The following NUP160 variants were observed in gnomAD, a reference collection of about 807,000 sequenced individuals.
NUP160 encodes nucleoporin 160.
In NUP160, 94 loss-of-function variants were observed where a neutral mutation model predicts 196.9. That is an observed-to-expected ratio of 0.48 (90% CI 0.40 to 0.57). The LOEUF (loss-of-function observed/expected upper bound fraction) is 0.57, where lower values mean the gene tolerates loss of function less well. Among genes scored for constraint, NUP160 ranks in the 20% least tolerant of loss-of-function variants. NUP160 has a pLI of 0.00. For synonymous variants in NUP160, 605 were observed against 619.7 expected (o/e 0.98, Z 0.35); for missense variants, 1,638 against 1,748.3 (o/e 0.94, Z 1.13).
chr11:47,793,362 G>A (rs1489882804), intron 27 of NUP160, among the ~76,000 whole-genome samples: 1 of 152,048 alleles, frequency 6.6e-6, no homozygotes, highest in East Asian at 1.9e-4. Context: ...AACAAAATTG[G>A]GTTTGATGTA....
chr11:47,779,697 A>C, intron 35 of NUP160: 1 of 434,308 alleles, frequency 2.3e-6, no homozygotes, highest in Non-Finnish European at 4.5e-6. Context: ...AACTTCCCTC[A>C]GGACAGTGAT....
At chr11:47,823,844 T>C (rs1851910501) in intron 7 of NUP160, among the ~76,000 whole-genome samples, 1 of 151,802 alleles carries the variant, frequency 6.6e-6, no homozygotes, top group South Asian at 2.1e-4. Flanking sequence ...CTTCCTTCCT[T>C]TTAAAAACTG....
intron 17 of NUP160, among the ~76,000 whole-genome samples, chr11:47,810,670 C>T (rs1337710891): frequency 6.6e-6 from 1 of 151,912 alleles, no homozygotes; most frequent in Non-Finnish European, 1.5e-5. Context: ...CCTTAGCCTC[C>T]TGAATGGCTG....
intron 21 of NUP160, among the ~76,000 whole-genome samples, chr11:47,804,042 G>A (rs1291225253): frequency 1.3e-5 from 2 of 151,880 alleles, no homozygotes; most frequent in African/African-American, 4.8e-5. Context: ...TTAGCTGGGC[G>A]CGGTGGCACG....
At chr11:47,804,490 A>T (rs2097676291) in intron 21 of NUP160, 59 bp downstream of exon 21, 1 of 1,169,578 alleles carries the variant, frequency 8.6e-7, no homozygotes, top group Admixed American at 2.7e-5. Flanking sequence ...AAAGAAAAAA[A>T]TTCAGCAATC....
At chr11:47,824,045 A>ATATATATATATATATATATATATATATG (rs1565203496) in intron 7 of NUP160, among the ~76,000 whole-genome samples, 1 of 98,358 alleles carries the variant, frequency 1.0e-5, no homozygotes, top group Non-Finnish European at 2.3e-5. Flanking sequence ...ATATATATAT[A>ATATATATATATATATATATATATATATG]TATATATACA....
At chr11:47,811,237 G>A (rs1599324818) in intron 17 of NUP160, among the ~76,000 whole-genome samples, 1 of 152,104 alleles carries the variant, frequency 6.6e-6, no homozygotes, top group Non-Finnish European at 1.5e-5. Context: ...GGTTGGGCAA[G>A]GTGGCTCATG....
At chr11:47,795,043 T>C (rs995180944) in intron 27 of NUP160, among the ~76,000 whole-genome samples, 3 of 152,112 alleles carry the variant, frequency 2.0e-5, no homozygotes, top group African/African-American at 7.2e-5. Context: ...GAGGTTGCTG[T>C]GAGCCGAGAT....
At chr11:47,841,699 G>GTTTT in intron 2 of NUP160, 1 of 279,310 alleles carries the variant, frequency 3.6e-6, no homozygotes, top group Non-Finnish European at 7.1e-6. Flanking sequence ...TTGTTTGTTT[G>GTTTT]TTTTTTTTTT....
chr11:47,827,897 G>T (rs1051295048), intron 7 of NUP160, among the ~76,000 whole-genome samples: 5 of 152,146 alleles, frequency 3.3e-5, no homozygotes, highest in African/African-American at 1.2e-4. Context: ...ATGAGACAGG[G>T]TTCCGCTCTG....
At chr11:47,780,106 C>A (rs572436659) in intron 35 of NUP160, among the ~76,000 whole-genome samples, 9 of 152,096 alleles carry the variant, frequency 5.9e-5, no homozygotes, top group Non-Finnish European at 1.2e-4. Flanking sequence ...AAGGATGGAC[C>A]GACTGCTTGC....
At chr11:47,840,059 C>A in exon 4 of NUP160, 17 of 1,608,002 alleles carry the variant, frequency 1.1e-5, no homozygotes, top group Non-Finnish European at 1.4e-5. Context: ...CTGTCAACTA[C>A]CAACTCCTGT....
intron 27 of NUP160, among the ~76,000 whole-genome samples, chr11:47,793,723 T>G (rs1342462992): frequency 9.2e-4 from 1 of 1,084 alleles, no homozygotes; most frequent in Non-Finnish European, 2.2e-3. Flanking sequence ...AAGATATCTG[T>G]TTTTTTTTTT....
intron 7 of NUP160, chr11:47,827,040 G>A: frequency 2.2e-6 from 1 of 456,042 alleles, no homozygotes; most frequent in Non-Finnish European, 4.4e-6. Context: ...AGGAATAAAG[G>A]GGAACCTCCT....
chr11:47,808,475 T>C, exon 18 of NUP160: 1 of 1,613,968 alleles, frequency 6.2e-7, no homozygotes. Flanking sequence ...AGGGGAGCTG[T>C]TCGATGTAGT....
chr11:47,796,261 C>T, intron 27 of NUP160: 1 of 647,488 alleles, frequency 1.5e-6, no homozygotes, highest in East Asian at 2.8e-5. Context: ...ACAGTAGGAT[C>T]AATCAGAAAG....
At position 47,819,467 on chromosome 11, in the gene NUP160, A is replaced by C; in HGVS notation, c.1278-9T>G. ...ACTGACCTGCAACATTACTAGAGAC[A>C]AAAAAGTCCACCAGTTTATACAGAA... is the stretch of plus-strand genomic sequence containing the variant. On this transcript the variant is annotated splice_polypyrimidine_tract_variant and intron_variant, in intron 9 of 35. Coordinates refer to ENST00000378460, the Ensembl canonical transcript of NUP160. The C allele has an allele frequency of 6.3e-7, 1 of 1,593,840 alleles. No homozygotes were observed. Among genetic ancestry groups the C allele is most frequent in the Non-Finnish European group, 8.6e-7 (1 of 1,161,680 alleles).
intron 27 of NUP160, among the ~76,000 whole-genome samples, chr11:47,796,010 C>T (rs987156001): frequency 4.6e-5 from 7 of 151,772 alleles, no homozygotes; most frequent in South Asian, 2.1e-4. Flanking sequence ...AAAAATTAAC[C>T]GGGCGTGGTG....
rs374050741 is a variant in NUP160 at position 47,815,652 on chromosome 11, G to A, written c.1516-3C>T. The A allele has an allele frequency of 6.4e-7, 1 of 1,572,372 alleles. No individual in the cohort carries two copies. Among genetic ancestry groups the A allele is most frequent in the African/African-American group, 1.4e-5 (1 of 72,708 alleles). On this transcript the variant is annotated splice_polypyrimidine_tract_variant and splice_region_variant and intron_variant, in intron 12 of 35. Coordinates refer to ENST00000378460, the Ensembl canonical transcript of NUP160. Reference sequence around the variant, plus strand: ...TACTCTGTTACACTTCCTTGAAGCTGGCAAAGAAGAAATGAAAGAAATTAA... The same window carrying A: ...TACTCTGTTACACTTCCTTGAAGCTAGCAAAGAAGAAATGAAAGAAATTAA...
Sources: gnomAD v4.1 joint callset for allele counts (sites outside exome capture counted in the v4.1 genomes callset) on GRCh38, gnomAD v4.1.1 for gene constraint, MANE v1.5 for transcripts, NCBI Gene and HGNC (gene_info 2026-07-23, HGNC 2026-07-21) for gene names.